R3HDM1: variants seen among roughly 807,000 people sequenced by gnomAD.
The protein encoded by R3HDM1 is R3H domain-containing protein 1.
Under a neutral mutation model 141.1 loss-of-function variants are expected in R3HDM1, and 46 were observed. The ratio of observed to expected loss-of-function variants is 0.33; its 90% CI spans 0.26 to 0.42. The LOEUF (loss-of-function observed/expected upper bound fraction) is 0.42, where lower values mean the gene tolerates loss of function less well. Among genes scored for constraint, R3HDM1 ranks in the 10% least tolerant of loss-of-function variants. R3HDM1 has a pLI of 1.00. For missense variants in R3HDM1, 1,184 were observed against 1,368.3 expected (o/e 0.87, Z 2.12); for synonymous variants, 435 against 472.9 (o/e 0.92, Z 1.04).
At chr2:135,692,496 G>A (rs2072574920) in intron 21 of R3HDM1, among the ~76,000 whole-genome samples, 1 of 152,162 alleles carries the variant, frequency 6.6e-6, no homozygotes, top group Admixed American at 6.5e-5. Context: ...GGAGGCTGAA[G>A]CAGGAGAATC....
intron 1 of R3HDM1, among the ~76,000 whole-genome samples, chr2:135,592,753 T>A (rs777687991): frequency 2.0e-4 from 30 of 152,012 alleles, no homozygotes; most frequent in East Asian, 3.9e-4. Context: ...TTTATTATTT[T>A]TTTTTATTTT....
chr2:135,685,466 T>TG (rs1290545334), intron 21 of R3HDM1, among the ~76,000 whole-genome samples: 2 of 152,160 alleles, frequency 1.3e-5, no homozygotes, highest in African/African-American at 2.4e-5. Flanking sequence ...ATGTCTGACA[T>TG]GTGATGGGAG....
chr2:135,585,838 AT>A (rs1707781970), intron 1 of R3HDM1, among the ~76,000 whole-genome samples: 1 of 152,170 alleles, frequency 6.6e-6, no homozygotes, highest in East Asian at 1.9e-4. Context: ...GCTTCTTTTA[AT>A]TTTAGCAAAA....
At chr2:135,540,158 C>A (rs1332026022) in intron 1 of R3HDM1, among the ~76,000 whole-genome samples, 1 of 152,200 alleles carries the variant, frequency 6.6e-6, no homozygotes, top group Non-Finnish European at 1.5e-5. Flanking sequence ...ACATTCTTTG[C>A]TCATCCGTAA....
In R3HDM1 at chr2:135,724,312, C is replaced by T. The variant is rs763950450; in HGVS notation, c.*20C>T. ...CAGTAACAGCCACCTTTGGACCCTT[C>T]GCCTTTATGGTTCCCCTGCCCTCTC... On this transcript the variant is annotated 3_prime_UTR_variant, in exon 27 of 27. Transcript: ENST00000683871. 9.1e-6 allele frequency: 14 copies of T among 1,541,882 alleles called. No homozygotes were observed. The highest frequency in any genetic ancestry group is 3.5e-5 in the South Asian group (3 of 85,480).
At chr2:135,667,536 T>C in intron 19 of R3HDM1, 6 of 670,782 alleles carry the variant, frequency 8.9e-6, no homozygotes, top group Non-Finnish European at 1.1e-5. Context: ...TGTTTTCCTC[T>C]ACTTTCCAGA....
At chr2:135,573,741 CAA>C (rs1363029007) in intron 1 of R3HDM1, among the ~76,000 whole-genome samples, 5 of 152,008 alleles carry the variant, frequency 3.3e-5, no homozygotes, top group Non-Finnish European at 2.9e-5. Context: ...TGCAGCAAAA[CAA>C]AGAGAACCAC....
Position 135,649,664 on chromosome 2 carries a change from C to CA in R3HDM1, c.1624-232dup, listed in dbSNP as rs1286269430. ...TCTATAATAAAGAAATATTTTATTG[C>CA]AAAAAATTATTCTCCTAATTATGTA... On this transcript the variant is annotated intron_variant, in intron 16 of 26. Coordinates refer to ENST00000683871, the MANE Select transcript of R3HDM1 (RefSeq NM_001378107.1). Among the ~76,000 whole-genome samples, 18 of 151,990 alleles carry CA rather than the reference C, an allele frequency of 1.2e-4. 1 individual carries two copies. Among genetic ancestry groups the CA allele is most frequent in the Admixed American group, 6.6e-5 (1 of 15,262 alleles).
At chr2:135,554,358 T>C (rs1183485051) in intron 1 of R3HDM1, among the ~76,000 whole-genome samples, 1 of 152,220 alleles carries the variant, frequency 6.6e-6, no homozygotes, top group African/African-American at 2.4e-5. Flanking sequence ...TTCATTCCTT[T>C]TCATTTCTGA....
chr2:135,645,605 G>A (rs2064311331), intron 16 of R3HDM1, 78 bp downstream of exon 16: 2 of 1,490,668 alleles, frequency 1.3e-6, no homozygotes, highest in Non-Finnish European at 9.2e-7. Flanking sequence ...AATTATAATT[G>A]AGATAGCCTA....
intron 1 of R3HDM1, among the ~76,000 whole-genome samples, chr2:135,532,399 AG>A (rs1695060134): frequency 6.6e-6 from 1 of 152,132 alleles, no homozygotes; most frequent in Non-Finnish European, 1.5e-5. Flanking sequence ...CTAGGTGCAA[AG>A]GGTGACTCTG....
intron 21 of R3HDM1, among the ~76,000 whole-genome samples, chr2:135,699,427 G>A (rs2073923308): frequency 6.6e-6 from 1 of 152,184 alleles, no homozygotes; most frequent in African/African-American, 2.4e-5. Flanking sequence ...TCCCCAGGGA[G>A]GGTGAGAGCC....
At chr2:135,683,553 CAA>C (rs779221502) in intron 21 of R3HDM1, among the ~76,000 whole-genome samples, 27 of 42,782 alleles carry the variant, frequency 6.3e-4, no homozygotes, top group Admixed American at 5.9e-4. Context: ...GAACCTATCT[CAA>C]AAAAAAAAAA....
intron 19 of R3HDM1, chr2:135,669,482 C>T (rs1332774564): frequency 2.0e-6 from 2 of 984,204 alleles, no homozygotes; most frequent in Admixed American, 1.2e-4. Context: ...TATCTTGAGA[C>T]TTAGGTATGT....
At chr2:135,723,832 G>T in intron 26 of R3HDM1, 105 bp from the exon 27 acceptor site, 65 of 471,546 alleles carry the variant, frequency 1.4e-4, no homozygotes, top group East Asian at 2.7e-4. Flanking sequence ...TTAATTTTGT[G>T]TATTCGAATG....
chr2:135,574,418 A>G (rs1414712843), intron 1 of R3HDM1, among the ~76,000 whole-genome samples: 1 of 152,250 alleles, frequency 6.6e-6, no homozygotes, highest in Non-Finnish European at 1.5e-5. Context: ...TCAGACCTTC[A>G]AAGACCAGAT....
intron 1 of R3HDM1, among the ~76,000 whole-genome samples, chr2:135,570,047 A>C (rs1302090732): frequency 1.3e-5 from 2 of 152,268 alleles, no homozygotes; most frequent in East Asian, 1.9e-4. Context: ...TTTAAGTGTT[A>C]ACTCTTGATC....
rs544469588 is a variant in R3HDM1, at chr2:135,617,199, C to T, written c.303+442C>T. On this transcript the variant is annotated intron_variant, in intron 5 of 26. Coordinates refer to ENST00000683871, the MANE Select transcript of R3HDM1 (RefSeq NM_001378107.1). The stretch of plus-strand genomic sequence containing the variant: ...AAAATTAGCCGGGCATGGTGGTGGG[C>T]GCCTGTAGTCCCAGCTACTCGGGAG... 9.2e-5 allele frequency among the ~76,000 whole-genome samples: 14 copies of T among 151,920 alleles called. No individual in the cohort carries two copies. The East Asian group carries it at 1.4e-3, about 15-fold the overall frequency.
chr2:135,537,404 GCCCCCC>G (rs544925349), intron 1 of R3HDM1, among the ~76,000 whole-genome samples: 2 of 143,820 alleles, frequency 1.4e-5, no homozygotes, highest in Non-Finnish European at 3.0e-5. Flanking sequence ...TCCTTCCTCA[GCCCCCC>G]CAAGTAGCTG....
Sources: allele counts gnomAD v4.1 joint callset (sites outside exome capture counted in the v4.1 genomes callset), GRCh38; gene constraint gnomAD v4.1.1; transcripts MANE v1.5; gene names NCBI Gene and HGNC (gene_info 2026-07-23, HGNC 2026-07-21).